IFT74: variants seen among roughly 807,000 people sequenced by gnomAD.
IFT74 encodes intraflagellar transport 74, also known as intraflagellar transport protein 74 homolog.
A neutral mutation model predicts 96.7 loss-of-function variants in IFT74; 92 were observed. That is an observed-to-expected ratio of 0.95 (90% CI 0.80 to 1.13). The LOEUF is 1.13. Among genes scored for constraint, IFT74 ranks in the 50% most tolerant of loss-of-function variants. IFT74 has a pLI of 0.00. For missense variants in IFT74, 811 were observed against 698.2 expected, an observed-to-expected ratio of 1.16 and a Z score of -1.82; for synonymous variants, 223 against 213.2, an observed-to-expected ratio of 1.05 and a Z score of -0.40.
intron 2 of IFT74, among the ~76,000 whole-genome samples, chr9:26,968,198 C>G (rs1405484201): frequency 6.6e-6 from 1 of 151,164 alleles, no homozygotes; most frequent in East Asian, 1.9e-4. Flanking sequence ...TTTGGTGGAA[C>G]TCAGCAGTGA....
intron 10 of IFT74, 83 bp downstream of exon 10, chr9:27,012,051 AAC>A (rs1829106419): frequency 1.4e-5 from 11 of 801,162 alleles, no homozygotes; most frequent in Non-Finnish European, 1.9e-5. Context: ...TAACTAATTC[AAC>A]TACATATTGA....
In IFT74 at chr9:27,063,697, A is replaced by G. The variant is rs111466918; in HGVS notation, c.*961A>G. The stretch of plus-strand genomic sequence containing the variant: ...TCAGTATTTCTGAAACAACACATTG[A>G]TTTCTTAAACCAAAATAGCTTTATT... On this transcript the variant is annotated 3_prime_UTR_variant, in exon 20 of 20. Transcript: ENST00000380062. 6.2e-3 allele frequency among the ~76,000 whole-genome samples: 940 copies of G among 152,242 alleles called. 15 individuals carry two copies. Among genetic ancestry groups the G allele is most frequent in the African/African-American group, 0.021 (876 of 41,566 alleles).
At chr9:26,960,907 T>C (rs1444753613) in intron 1 of IFT74, among the ~76,000 whole-genome samples, 2 of 151,490 alleles carry the variant, frequency 1.3e-5, no homozygotes, top group African/African-American at 2.4e-5. Context: ...TTGGATCTAG[T>C]ATCTAGATGG....
At chr9:27,021,859 T>G (rs970420641) in intron 12 of IFT74, among the ~76,000 whole-genome samples, 1 of 152,226 alleles carries the variant, frequency 6.6e-6, no homozygotes, top group African/African-American at 2.4e-5. Context: ...ATCTTTGTTT[T>G]TGTTGCATTT....
rs559889789 is a variant in IFT74, at chr9:27,017,144, G to T, written c.933+94G>T. ...AAGGGATATTAATGCAAGTAGTAAA[G>T]CTAGTAAGTGTATTGTCTAAAAATA... On this transcript the variant is annotated intron_variant, in intron 11 of 19. Transcript: ENST00000380062. 1.5e-4 allele frequency: 143 copies of T among 932,712 alleles called. 2 individuals carry two copies. In the South Asian group the frequency reaches 2.9e-3, roughly 19 times the overall value. The allele number at this position is 932,712 out of a possible 1,614,324, so 57.8% of individuals were successfully genotyped here.
chr9:26,993,877 T>A (rs950231807), intron 8 of IFT74: 3 of 152,212 alleles, frequency 2.0e-5, no homozygotes, highest in Non-Finnish European at 2.9e-5. Flanking sequence ...ATATATTTCA[T>A]TATTTCAGAG....
At chr9:26,951,756 G>C (rs570363337), upstream of IFT74, among the ~76,000 whole-genome samples, 5 of 152,094 alleles carry the variant, frequency 3.3e-5, no homozygotes, top group African/African-American at 1.2e-4. Context: ...AAAATTAGCC[G>C]GGTGTGGTGG....
At chr9:26,982,733 G>A (rs1358335240) in intron 4 of IFT74, among the ~76,000 whole-genome samples, 1 of 152,098 alleles carries the variant, frequency 6.6e-6, no homozygotes, top group Admixed American at 6.6e-5. Flanking sequence ...GGGATTACAG[G>A]TGTGAGCCAC....
At chr9:27,051,528 C>A (rs1444601036) in intron 16 of IFT74, among the ~76,000 whole-genome samples, 2 of 152,156 alleles carry the variant, frequency 1.3e-5, no homozygotes, top group African/African-American at 4.8e-5. Flanking sequence ...ATCTCTAGAA[C>A]TTTTTCATCT....
At position 26,990,177 on chromosome 9, in the gene IFT74, T is replaced by C; in HGVS notation, c.569T>C (p.Ile190Thr). 6.8e-7 allele frequency: 1 copy of C among 1,470,918 alleles called. No homozygotes were observed. 91.1% of individuals were successfully genotyped at this position (1,470,918 alleles called of 1,614,324 possible). Residue 190 changes from isoleucine to threonine, a missense_variant, in exon 8 of 20, where the codon ATA (isoleucine) becomes ACA (threonine). Transcript: ENST00000380062. ...CGAGAAACACAAAGTTTGGATGTCATATTTACTGAAAGACAAGCGTAAGTA... is the reference window on the plus strand; with the variant it reads ...CGAGAAACACAAAGTTTGGATGTCACATTTACTGAAAGACAAGCGTAAGTA... Reference protein sequence around the residue: ...NDRETQSLDVIFTERQAKEKQ... With the variant: ...NDRETQSLDVTFTERQAKEKQ...
chr9:26,971,783 A>AT (rs1826890511), intron 2 of IFT74, among the ~76,000 whole-genome samples: 1 of 152,110 alleles, frequency 6.6e-6, no homozygotes, highest in African/African-American at 2.4e-5. Context: ...GGCCTTTACT[A>AT]TTATGACCAT....
chr9:26,958,058 G>T (rs1424720578), intron 1 of IFT74, among the ~76,000 whole-genome samples: 1 of 151,892 alleles, frequency 6.6e-6, no homozygotes, highest in Non-Finnish European at 1.5e-5. Context: ...CGGTCGCTTT[G>T]TTTGCTTTTT....
chr9:26,955,266 A>G (rs1219077190), upstream of IFT74, among the ~76,000 whole-genome samples: 1 of 152,192 alleles, frequency 6.6e-6, no homozygotes, highest in Non-Finnish European at 1.5e-5. Context: ...TGCAGCTTGC[A>G]ACAACACACT....
At chr9:26,947,175 C>T in intron 1 of IFT74, 2 of 1,130,802 alleles carry the variant, frequency 1.8e-6, no homozygotes, top group African/African-American at 1.6e-5. Context: ...CCGGAAGAGC[C>T]CGAGAGCCGG....
In IFT74 at chr9:27,029,098, C is replaced by T. The variant is rs766654442; in HGVS notation, c.1048C>T (p.His350Tyr). 1.9e-6 allele frequency: 3 copies of T among 1,597,850 alleles called. No homozygotes were observed. Among genetic ancestry groups the T allele is most frequent in the African/African-American group, 2.7e-5 (2 of 74,192 alleles). ...IRQLDMDLEE[H>Y]QGEMNQKYKE... ...ACAACTTGACATGGATTTAGAGGAACACCAAGGTATGCTTCTGGTATTTTT... is the reference window on the plus strand; with the variant it reads ...ACAACTTGACATGGATTTAGAGGAATACCAAGGTATGCTTCTGGTATTTTT... The change falls in exon 13 of 20, where the codon CAC becomes TAC. Residue 350 changes from histidine (H) to tyrosine (Y), a missense_variant. Physicochemically the swap from His to Tyr is moderately conservative, Grantham distance 83. Transcript: ENST00000380062.
intron 1 of IFT74, among the ~76,000 whole-genome samples, chr9:26,950,426 T>C (rs1275922434): frequency 1.3e-5 from 2 of 152,216 alleles, no homozygotes; most frequent in Non-Finnish European, 1.5e-5. Context: ...AATCTTGTCT[T>C]ATGAATGTAG....
At position 27,036,904 on chromosome 9, in the gene IFT74, G is replaced by T. The variant is rs891763772; in HGVS notation, c.1054+7800G>T. 2.3e-5 allele frequency: 19 copies of T among 821,784 alleles called. No individual in the cohort carries two copies. The African/African-American group carries it at 3.5e-4, about 15-fold the overall frequency. 50.9% of individuals were successfully genotyped at this position (821,784 alleles called of 1,614,324 possible). ...CCCTACAATGGCAAAAAAAATTATT[G>T]CTGTGATTCATGATAAAATGCTTGC... On this transcript the variant is annotated intron_variant, in intron 13 of 19. Transcript: ENST00000380062.
At chr9:27,059,948 CAG>C (rs1157493194) in intron 18 of IFT74, among the ~76,000 whole-genome samples, 1 of 152,160 alleles carries the variant, frequency 6.6e-6, no homozygotes, top group African/African-American at 2.4e-5. Flanking sequence ...AGACCATAAC[CAG>C]AGTTACAAGG....
chr9:27,041,093 G>A (rs910995276), intron 13 of IFT74, among the ~76,000 whole-genome samples: 1 of 152,054 alleles, frequency 6.6e-6, no homozygotes, highest in Non-Finnish European at 1.5e-5. Context: ...CAGCACATAC[G>A]CATTTCTTCT....
Sources: allele counts gnomAD v4.1 joint callset (sites outside exome capture counted in the v4.1 genomes callset), GRCh38; gene constraint gnomAD v4.1.1; transcripts MANE v1.5; gene names NCBI Gene and HGNC (gene_info 2026-07-23, HGNC 2026-07-21).